The following DPYD variants were observed in gnomAD, a reference collection of about 807,000 sequenced individuals.
The protein encoded by DPYD is dihydropyrimidine dehydrogenase [NADP(+)].
In DPYD, 109 loss-of-function variants were observed where a neutral mutation model predicts 116.2. The ratio of observed to expected loss-of-function variants is 0.94; its 90% confidence interval spans 0.80 to 1.10. The LOEUF is 1.10. Among genes scored for constraint, DPYD ranks in the 50% least tolerant of loss-of-function variants. The probability of loss-of-function intolerance (pLI) is 0.00; values close to 1 mark genes in which losing one functional copy is unlikely to be tolerated. For missense variants in DPYD, 1,302 were observed against 1,254.5 expected (o/e 1.04, Z -0.57); for synonymous variants, 440 against 432.0 (o/e 1.02, Z -0.23).
At chr1:97,481,989 C>CT (rs1678344631) in intron 13 of DPYD, among the ~76,000 whole-genome samples, 2 of 152,196 alleles carry the variant, frequency 1.3e-5, no homozygotes, top group Admixed American at 1.3e-4. Flanking sequence ...TTGAAAGTAT[C>CT]TTTTTTTAGA....
At chr1:97,775,938 G>A (rs1205998382) in intron 3 of DPYD, among the ~76,000 whole-genome samples, 1 of 151,846 alleles carries the variant, frequency 6.6e-6, no homozygotes, top group African/African-American at 2.4e-5. Context: ...TTCATTTTCT[G>A]TTAATTTTTT....
intron 2 of DPYD, among the ~76,000 whole-genome samples, chr1:97,854,342 GTTTA>G (rs1385010175): frequency 1.3e-5 from 2 of 152,136 alleles, no homozygotes; most frequent in African/African-American, 4.8e-5. Context: ...ATTTCCAAAA[GTTTA>G]TTTAGCTTAC....
intron 18 of DPYD, among the ~76,000 whole-genome samples, chr1:97,271,728 T>C (rs1007100355): frequency 6.6e-6 from 1 of 152,156 alleles, no homozygotes; most frequent in African/African-American, 2.4e-5. Context: ...TTTTGTACCT[T>C]ACCACATCCT....
intron 13 of DPYD, among the ~76,000 whole-genome samples, chr1:97,469,680 A>T (rs760760961): frequency 1.3e-5 from 2 of 152,202 alleles, no homozygotes; most frequent in African/African-American, 4.8e-5. Flanking sequence ...GATACTAACC[A>T]TAACACCATA....
intron 14 of DPYD, among the ~76,000 whole-genome samples, chr1:97,413,046 A>G (rs188427831): frequency 2.0e-5 from 3 of 152,346 alleles, no homozygotes; most frequent in Admixed American, 2.0e-4. Flanking sequence ...GAAAGGGTTT[A>G]TCATATGCTA....
chr1:97,775,492 A>G lies in DPYD; in HGVS notation c.234-35013T>C, dbSNP rs1331344987. Among the ~76,000 whole-genome samples, 5 of 152,182 alleles carry G rather than the reference A, an allele frequency of 3.3e-5. No individual in the cohort carries two copies. The South Asian group carries it at 1.0e-3, about 31-fold the overall frequency. ...AGATAATAGTAAACTAGGAAAATAA[A>G]TCATTTGGAGTTATACATTCAGGTA... On this transcript the variant is annotated intron_variant, in intron 3 of 22. Coordinates refer to ENST00000370192, the MANE Select transcript of DPYD (RefSeq NM_000110.4).
chr1:97,249,089 G>A (rs866394342), intron 18 of DPYD, among the ~76,000 whole-genome samples: 1 of 152,124 alleles, frequency 6.6e-6, no homozygotes, highest in African/African-American at 2.4e-5. Flanking sequence ...TGAAGAAACT[G>A]ATAAGCTGAT....
At chr1:97,851,770 T>A (rs974459425) in intron 2 of DPYD, among the ~76,000 whole-genome samples, 1 of 151,276 alleles carries the variant, frequency 6.6e-6, no homozygotes, top group Non-Finnish European at 1.5e-5. Flanking sequence ...AAGTTTTCTA[T>A]CAATTATAAT....
intron 10 of DPYD, among the ~76,000 whole-genome samples, chr1:97,578,754 G>A (rs761494398): frequency 6.6e-6 from 1 of 152,184 alleles, no homozygotes; most frequent in Admixed American, 6.5e-5. Context: ...TTTGTGGGAA[G>A]AGGAGACTCA....
chr1:97,140,600 A>T (rs1296221915), intron 20 of DPYD, among the ~76,000 whole-genome samples: 2 of 152,150 alleles, frequency 1.3e-5, no homozygotes. Context: ...ACAATGGAGG[A>T]ATCACAGGTG....
intron 5 of DPYD, among the ~76,000 whole-genome samples, chr1:97,716,675 A>G (rs1662633539): frequency 6.6e-6 from 1 of 151,992 alleles, no homozygotes; most frequent in South Asian, 2.1e-4. Flanking sequence ...TTAAAAAAAG[A>G]TGAGGAAGAT....
intron 20 of DPYD, among the ~76,000 whole-genome samples, chr1:97,130,902 CCTCA>C (rs1381052144): frequency 6.9e-6 from 1 of 144,554 alleles, no homozygotes; most frequent in African/African-American, 2.6e-5. Flanking sequence ...TCCCTCCCTC[CCTCA>C]CTCCCTCCCT....
At chr1:97,459,618 T>TA (rs1189034825) in intron 13 of DPYD, among the ~76,000 whole-genome samples, 1 of 152,130 alleles carries the variant, frequency 6.6e-6, no homozygotes, top group Non-Finnish European at 1.5e-5. Flanking sequence ...TAGAATATTT[T>TA]ATATGAATAA....
At chr1:97,122,374 C>G (rs1191748663) in intron 20 of DPYD, among the ~76,000 whole-genome samples, 1 of 152,040 alleles carries the variant, frequency 6.6e-6, no homozygotes, top group Non-Finnish European at 1.5e-5. Context: ...GATAAATATG[C>G]TTAGTCAAGT....
At chr1:97,693,159 C>T (rs569226369) in intron 6 of DPYD, among the ~76,000 whole-genome samples, 4 of 151,460 alleles carry the variant, frequency 2.6e-5, no homozygotes, top group East Asian at 1.9e-4. Flanking sequence ...GGCATAGTGG[C>T]GGGCACCTGT....
intron 16 of DPYD, among the ~76,000 whole-genome samples, chr1:97,353,384 G>A (rs1258213502): frequency 1.3e-5 from 2 of 152,252 alleles, no homozygotes; most frequent in East Asian, 3.9e-4. Context: ...TGCATATTTA[G>A]TGCTTCCCAC....
intron 13 of DPYD, among the ~76,000 whole-genome samples, chr1:97,486,303 T>G (rs1362426034): frequency 6.6e-6 from 1 of 152,176 alleles, no homozygotes; most frequent in East Asian, 1.9e-4. Flanking sequence ...TTTTGCAGTT[T>G]TTAAGGGCTG....
chr1:97,337,045 A>G (rs1208246305), intron 16 of DPYD, among the ~76,000 whole-genome samples: 2 of 152,178 alleles, frequency 1.3e-5, no homozygotes, highest in Non-Finnish European at 2.9e-5. Context: ...AGACAGAAAG[A>G]GTTTGGAGAG....
intron 13 of DPYD, 100 bp from the exon 14 acceptor site, chr1:97,450,323 T>G (rs1211983471): frequency 7.6e-7 from 1 of 1,314,884 alleles, no homozygotes; most frequent in Admixed American, 2.6e-5. Flanking sequence ...ATGAGGTCCC[T>G]TCTCACATTT....
Sources: gnomAD v4.1 joint callset for allele counts (sites outside exome capture counted in the v4.1 genomes callset) on GRCh38, gnomAD v4.1.1 for gene constraint, MANE v1.5 for transcripts, NCBI Gene and HGNC (gene_info 2026-07-23, HGNC 2026-07-21) for gene names.